Variants in BLM observed in about 807,000 individuals in gnomAD.
BLM encodes the protein recQ-like DNA helicase BLM.
Under a neutral mutation model 135.3 loss-of-function variants are expected in BLM, and 95 were observed. The observed-to-expected ratio is 0.70, with a 90% CI of 0.59 to 0.83. The LOEUF (loss-of-function observed/expected upper bound fraction) is 0.83. Among genes scored for constraint, BLM ranks in the 40% least tolerant of loss-of-function variants. The pLI is 0.00. For missense variants in BLM, 1,518 were observed against 1,663.9 expected (o/e 0.91, Z 1.53); for synonymous variants, 520 against 589.2 (o/e 0.88, Z 1.70).
Position 90,803,508 on chromosome 15 carries a change from ATCT to A in BLM, c.3359-8_3359-6del. 6.2e-7 allele frequency: 1 copy of A among 1,606,056 alleles called. No homozygotes were observed. Among genetic ancestry groups the A allele is most frequent in the East Asian group, 2.2e-5 (1 of 44,794 alleles). Reference sequence around the variant, plus strand: ...TACATTTACTCATCTTACTTCCTGTATCTTCTTATCAGGGAGTAAGAGTGCAAA... The same window carrying A: ...TACATTTACTCATCTTACTTCCTGTATCTTATCAGGGAGTAAGAGTGCAAA... On this transcript the variant is annotated splice_polypyrimidine_tract_variant and intron_variant, in intron 17 of 21. Transcript: ENST00000355112.
intron 21 of BLM, among the ~76,000 whole-genome samples, chr15:90,814,205 C>T (rs924360844): frequency 5.3e-5 from 8 of 152,124 alleles, no homozygotes; most frequent in African/African-American, 1.2e-4. Flanking sequence ...TCAATTCAGA[C>T]GGGAGGCTAC....
At chr15:90,718,019 C>G (rs1457658172) in intron 1 of BLM, among the ~76,000 whole-genome samples, 1 of 152,210 alleles carries the variant, frequency 6.6e-6, no homozygotes, top group Non-Finnish European at 1.5e-5. Flanking sequence ...AGCTCTGTGT[C>G]TACTGCACGT....
intron 12 of BLM, among the ~76,000 whole-genome samples, chr15:90,770,359 G>A (rs28385047): frequency 1.9e-3 from 291 of 152,166 alleles, no homozygotes; most frequent in Non-Finnish European, 3.2e-3. Flanking sequence ...TGTATTTTTA[G>A]TAGAGACGGG....
intron 15 of BLM, among the ~76,000 whole-genome samples, chr15:90,792,094 CTT>C (rs796474506): frequency 1.6e-4 from 21 of 134,490 alleles, no homozygotes; most frequent in Admixed American, 1.5e-4. Context: ...TTTTTTTTTT[CTT>C]TTTTTTTTTT....
At position 90,749,761 on chromosome 15, in the gene BLM, A is replaced by T. The variant is rs769575660; in HGVS notation, c.493A>T (p.Thr165Ser). Residue 165 changes from threonine (T) to serine (S), a missense_variant, in exon 3 of 22, where the codon ACT (threonine) becomes TCT (serine). Physicochemically the swap from Thr to Ser is moderately conservative, Grantham distance 58. Around this residue, in one of 5 missense-constraint regions of BLM, gnomAD observed 724 missense variants for 756.9 expected, o/e 0.96. Coordinates refer to ENST00000355112, the MANE Select transcript of BLM (RefSeq NM_000057.4). ...DDMDDFDTSE[T>S]SKSFVTPPQS... The stretch of plus-strand genomic sequence containing the variant: ...TATGGATGACTTTGATACTTCTGAG[A>T]CTTCAAAATCATTTGTTACACCACC... The T allele has an allele frequency of 1.6e-5, 26 of 1,613,378 alleles. No homozygotes were observed. In the South Asian group the frequency reaches 2.7e-4, roughly 17 times the overall value.
intron 17 of BLM, among the ~76,000 whole-genome samples, chr15:90,802,937 T>C (rs935796708): frequency 5.9e-5 from 9 of 152,118 alleles, no homozygotes; most frequent in African/African-American, 1.9e-4. Context: ...TACACAAATA[T>C]ATACACCTAC....
chr15:90,740,759 A>G (rs371013355), intron 1 of BLM, among the ~76,000 whole-genome samples: 199 of 152,154 alleles, frequency 1.3e-3, no homozygotes, highest in Non-Finnish European at 1.4e-3. Flanking sequence ...TGTGAGAGTG[A>G]ATAAGTCTCA....
intron 12 of BLM, among the ~76,000 whole-genome samples, chr15:90,772,056 G>C (rs1355176161): frequency 6.6e-6 from 1 of 152,146 alleles, no homozygotes; most frequent in African/African-American, 2.4e-5. Context: ...TAAAAATGTA[G>C]GCATGTCTGT....
intron 5 of BLM, among the ~76,000 whole-genome samples, chr15:90,756,739 C>G (rs1285411218): frequency 6.6e-6 from 1 of 152,186 alleles, no homozygotes; most frequent in Non-Finnish European, 1.5e-5. Flanking sequence ...TGTTCTTTAT[C>G]CATGGAGACA....
intron 12 of BLM, among the ~76,000 whole-genome samples, chr15:90,774,057 TG>T (rs1896401969): frequency 6.9e-6 from 1 of 145,662 alleles, no homozygotes; most frequent in Non-Finnish European, 1.5e-5. Context: ...GTTTTCAAAG[TG>T]CCTCCGTCTT....
At chr15:90,809,979 T>C (rs1897371095) in intron 20 of BLM, among the ~76,000 whole-genome samples, 2 of 152,052 alleles carry the variant, frequency 1.3e-5, no homozygotes, top group African/African-American at 2.4e-5. Flanking sequence ...TCAGTGTTCT[T>C]CCTGCTTCCA....
intron 14 of BLM, among the ~76,000 whole-genome samples, chr15:90,785,542 C>CA (rs1345364946): frequency 7.3e-6 from 1 of 137,246 alleles, no homozygotes; most frequent in Non-Finnish European, 1.6e-5. Flanking sequence ...TGTGACTTTT[C>CA]TTTTTTTTTT....
At chr15:90,752,038 A>G in intron 4 of BLM, 92 bp downstream of exon 4, 1 of 1,200,186 alleles carries the variant, frequency 8.3e-7, no homozygotes, top group African/African-American at 1.5e-5. Flanking sequence ...ATATAAAAGT[A>G]TTTTGTGCTT....
chr15:90,719,643 C>T (rs1464573839), intron 1 of BLM, among the ~76,000 whole-genome samples: 1 of 151,636 alleles, frequency 6.6e-6, no homozygotes, highest in African/African-American at 2.4e-5. Flanking sequence ...AGAATAGGGC[C>T]GAGTTTAACT....
intron 19 of BLM, among the ~76,000 whole-genome samples, chr15:90,807,848 C>G (rs1267040694): frequency 6.6e-6 from 1 of 152,184 alleles, no homozygotes; most frequent in African/African-American, 2.4e-5. Context: ...GAGGTACAAA[C>G]AGTGCAGTGA....
chr15:90,788,503 G>A (rs374697660), intron 14 of BLM, among the ~76,000 whole-genome samples: 1 of 64,542 alleles, frequency 1.5e-5, no homozygotes, highest in Non-Finnish European at 3.2e-5. Flanking sequence ...TTGGTTTTTT[G>A]TTCTTTTCCC....
intron 15 of BLM, among the ~76,000 whole-genome samples, chr15:90,793,068 G>A (rs72751859): frequency 0.17 from 25,832 of 149,630 alleles, 2,326 homozygotes; most frequent in Non-Finnish European, 0.19. Context: ...AGTCCTGATA[G>A]CAGCAACTAT....
chr15:90,806,731 A>G (rs1330319760), intron 19 of BLM, among the ~76,000 whole-genome samples: 1 of 152,136 alleles, frequency 6.6e-6, no homozygotes, highest in Non-Finnish European at 1.5e-5. Context: ...GCTGGGCTAT[A>G]TTACCTTCCA....
At chr15:90,798,523 GTT>G (rs755516091) in intron 17 of BLM, among the ~76,000 whole-genome samples, 186 bp downstream of exon 17, 1 of 152,204 alleles carries the variant, frequency 6.6e-6, no homozygotes, top group South Asian at 2.1e-4. Context: ...ATGTCACTAA[GTT>G]GAGATGGTTT....
Sources: gnomAD v4.1 joint callset for allele counts (sites outside exome capture counted in the v4.1 genomes callset) on GRCh38, gnomAD v4.1.1 for gene constraint, gnomAD v4.1.1 regional missense constraint, MANE v1.5 for transcripts, NCBI Gene and HGNC (gene_info 2026-07-23, HGNC 2026-07-21) for gene names.